TPM1: variants seen among roughly 807,000 people sequenced by gnomAD.
TPM1 encodes tropomyosin 1.
In TPM1, 24 loss-of-function variants were observed where a neutral mutation model predicts 42.9. The observed-to-expected ratio is 0.56, with a 90% CI of 0.41 to 0.79. The LOEUF (loss-of-function observed/expected upper bound fraction) is 0.79, where lower values mean the gene tolerates loss of function less well. Ranked by LOEUF, TPM1 falls within the 30% of genes least tolerant of loss-of-function variation. The probability of loss-of-function intolerance (pLI) is 0.00; values close to 1 mark genes in which losing one functional copy is unlikely to be tolerated. For synonymous variants in TPM1, 136 were observed against 130.1 expected, an observed-to-expected ratio of 1.05 and a Z score of -0.31; for missense variants, 158 against 351.8, an observed-to-expected ratio of 0.45 and a Z score of 4.41.
At chr15:63,066,193 T>G, downstream of TPM1, 1 of 1,402,600 alleles carries the variant, frequency 7.1e-7, no homozygotes, top group Admixed American at 3.2e-5. Flanking sequence ...GGTTAGTGTT[T>G]GGCTGCTGCT....
chr15:63,057,220 G>C (rs1376834078), intron 3 of TPM1, 102 bp downstream of exon 3: 7 of 1,517,006 alleles, frequency 4.6e-6, no homozygotes, highest in Non-Finnish European at 6.3e-6. Flanking sequence ...TCAGTCCCCT[G>C]GTGGTGGGAT....
At chr15:63,043,272 G>A (rs1200502777) in intron 1 of TPM1, 2 of 515,048 alleles carry the variant, frequency 3.9e-6, no homozygotes, top group South Asian at 1.8e-5. Context: ...TTGAAGGAAG[G>A]GCGAGGGATG....
chr15:63,043,106 A>T, intron 1 of TPM1, 163 bp downstream of exon 1: 1 of 659,926 alleles, frequency 1.5e-6, no homozygotes, highest in Non-Finnish European at 2.7e-6. Flanking sequence ...AGGGAAACGC[A>T]AGAGCCAGGC....
chr15:63,051,318 A>C (rs1325848089), intron 2 of TPM1, among the ~76,000 whole-genome samples: 2 of 151,456 alleles, frequency 1.3e-5, no homozygotes, highest in Non-Finnish European at 2.9e-5. Flanking sequence ...CCGAGGGTGC[A>C]TTTTGTGCTT....
Position 63,066,126 on chromosome 15 carries a change from A to G in TPM1, c.*227A>G. On this transcript the variant is annotated 3_prime_UTR_variant, in exon 10 of 10. Coordinates refer to ENST00000403994, the MANE Select transcript of TPM1 (RefSeq NM_001018005.2). ...TTGCTATTCTTTTTACTTCTTATTT[A>G]TTGACATTTTAGTTTCAACATTGAA... is the stretch of plus-strand genomic sequence containing the variant. 5 of 1,482,670 alleles carry G rather than the reference A, an allele frequency of 3.4e-6. No homozygotes were observed. The highest frequency in any genetic ancestry group is 4.4e-6 in the Non-Finnish European group (5 of 1,126,106). 91.8% of individuals were successfully genotyped at this position (1,482,670 alleles called of 1,614,324 possible). A position where few individuals can be genotyped will look rare whatever the true frequency, so the allele number is the denominator to read the frequency against.
chr15:63,071,002 T>G, downstream of TPM1: 2 of 1,599,828 alleles, frequency 1.3e-6, no homozygotes, highest in Admixed American at 3.4e-5. Context: ...CCTGTGTTTG[T>G]GATTGATGTT....
chr15:63,051,994 A>C (rs1022316050), intron 2 of TPM1, among the ~76,000 whole-genome samples: 1 of 150,780 alleles, frequency 6.6e-6, no homozygotes, highest in Non-Finnish European at 1.5e-5. Flanking sequence ...GGGTGGGGGA[A>C]TGGGGTGCAT....
chr15:63,062,514 C>T (rs2035775847), intron 7 of TPM1, 62 bp from the exon 8 acceptor site: 2 of 1,570,428 alleles, frequency 1.3e-6, no homozygotes, highest in East Asian at 4.5e-5. Flanking sequence ...CTAGTTTTCC[C>T]TATGTTTGTA....
chr15:63,062,719 C>T, intron 8 of TPM1, 74 bp downstream of exon 8: 1 of 1,610,992 alleles, frequency 6.2e-7, no homozygotes. Flanking sequence ...TTTTCCAATT[C>T]AAGGGCATCC....
intron 2 of TPM1, chr15:63,048,652 AGC>A: frequency 6.5e-7 from 1 of 1,538,734 alleles, no homozygotes; most frequent in Non-Finnish European, 8.7e-7. Context: ...GCCGCTGAGG[AGC>A]GCGCGGGCAC....
chr15:63,055,463 ACATTTG>A (rs1446216598), intron 2 of TPM1, among the ~76,000 whole-genome samples: 1 of 152,200 alleles, frequency 6.6e-6, no homozygotes, highest in Non-Finnish European at 1.5e-5. Flanking sequence ...GTTTCTAACT[ACATTTG>A]CATTTCCAAC....
intron 2 of TPM1, chr15:63,045,467 A>G (rs2032192240): frequency 1.3e-5 from 2 of 152,254 alleles, no homozygotes; most frequent in African/African-American, 4.8e-5. Context: ...TATAATGCAG[A>G]TCAGATGCCT....
chr15:63,043,037 C>T, intron 1 of TPM1, 94 bp downstream of exon 1: 3 of 1,125,668 alleles, frequency 2.7e-6, no homozygotes, highest in Non-Finnish European at 3.9e-6. Context: ...ACTCGGGGAG[C>T]CACCACCCTA....
chr15:63,069,782 G>C, downstream of TPM1: 3 of 1,547,592 alleles, frequency 1.9e-6, no homozygotes, highest in Non-Finnish European at 1.8e-6. Flanking sequence ...AGGTCTCTTT[G>C]TGTTCTCTAT....
chr15:63,061,426 T>C, intron 5 of TPM1: 1 of 817,374 alleles, frequency 1.2e-6, no homozygotes, highest in Non-Finnish European at 2.1e-6. Context: ...TGGTCCTTTA[T>C]GCTCCTTTGT....
Position 63,042,748 on chromosome 15 carries a change from C to T in TPM1, c.-82C>T. On this transcript the variant is annotated 5_prime_UTR_variant, in exon 1 of 10. Coordinates refer to ENST00000403994, the MANE Select transcript of TPM1 (RefSeq NM_001018005.2). ...TCTGGGAGAAGCAGGCGGCTCCGCG[C>T]TCGCACTCCCGCTCCTCCGCCCGAC... 2.6e-6 allele frequency: 3 copies of T among 1,149,042 alleles called. No homozygotes were observed. Among genetic ancestry groups the T allele is most frequent in the Admixed American group, 2.0e-5 (1 of 50,638 alleles). The allele number at this position is 1,149,042 out of a possible 1,614,324, so 71.2% of individuals were successfully genotyped here. A position where few individuals can be genotyped will look rare whatever the true frequency, so the allele number is the denominator to read the frequency against.
chr15:63,065,074 A>G, intron 9 of TPM1: 1 of 985,378 alleles, frequency 1.0e-6, no homozygotes, highest in African/African-American at 1.7e-5. Flanking sequence ...AATATTTACC[A>G]CAACCTGTGT....
intron 3 of TPM1, among the ~76,000 whole-genome samples, chr15:63,057,753 A>C (rs4450350): frequency 6.6e-6 from 1 of 152,188 alleles, no homozygotes; most frequent in African/African-American, 2.4e-5. Context: ...AAAGGAAAGC[A>C]TGGTTCGTAT....
Position 63,065,922 on chromosome 15 carries a change from A to C in TPM1, c.*23A>C. 1 of 1,607,970 alleles carries C rather than the reference A, an allele frequency of 6.2e-7. No homozygotes were observed. Among genetic ancestry groups the C allele is most frequent in the Non-Finnish European group, 8.5e-7 (1 of 1,178,584 alleles). On this transcript the variant is annotated 3_prime_UTR_variant, in exon 10 of 10. Coordinates refer to ENST00000403994, the MANE Select transcript of TPM1 (RefSeq NM_001018005.2). ...TAAGTTTCTTTGCTTCACTTCTCCCAAGACTCCCTCGTCGAGCTGGATGTC... is the reference window on the plus strand; with the variant it reads ...TAAGTTTCTTTGCTTCACTTCTCCCCAGACTCCCTCGTCGAGCTGGATGTC...
Sources: gnomAD v4.1 joint callset for allele counts (sites outside exome capture counted in the v4.1 genomes callset) on GRCh38, gnomAD v4.1.1 for gene constraint, MANE v1.5 for transcripts, NCBI Gene and HGNC (gene_info 2026-07-23, HGNC 2026-07-21) for gene names.